CPNE4: variants seen among roughly 807,000 people sequenced by gnomAD.
CPNE4 encodes the protein copine 4.
Under a neutral mutation model 67.9 loss-of-function variants are expected in CPNE4, and 25 were observed. That is an observed-to-expected ratio of 0.37 (90% CI 0.27 to 0.51). CPNE4 has a LOEUF of 0.51. Ranked by LOEUF, CPNE4 falls within the 20% of genes least tolerant of loss-of-function variation. CPNE4 has a pLI of 0.93. For missense variants in CPNE4, 464 were observed against 690.8 expected (o/e 0.67, Z 3.68); for synonymous variants, 242 against 244.9 (o/e 0.99, Z 0.11).
upstream of CPNE4, chr3:132,037,549 T>C: frequency 6.5e-7 from 1 of 1,535,002 alleles, no homozygotes; most frequent in Non-Finnish European, 8.7e-7. Flanking sequence ...CTTGTCTCTA[T>C]CACTCACCTC....
intron 2 of CPNE4, among the ~76,000 whole-genome samples, chr3:131,844,259 CT>C (rs569052106): frequency 0.038 from 5,178 of 136,052 alleles, 197 homozygotes; most frequent in African/African-American, 0.1. Flanking sequence ...TCTGTATGTT[CT>C]TTTTTTTTTT....
chr3:131,729,585 AG>A (rs1194403396), intron 2 of CPNE4, among the ~76,000 whole-genome samples: 1 of 152,234 alleles, frequency 6.6e-6, no homozygotes, highest in Non-Finnish European at 1.5e-5. Flanking sequence ...AGAGAGAGAT[AG>A]GTTGGTGCTG....
At chr3:131,714,544 C>A (rs1288223712) in intron 3 of CPNE4, among the ~76,000 whole-genome samples, 1 of 152,186 alleles carries the variant, frequency 6.6e-6, no homozygotes, top group Non-Finnish European at 1.5e-5. Flanking sequence ...ACCCAAAACA[C>A]TGGTTCCTTT....
chr3:131,959,619 A>C lies in CPNE4; in HGVS notation c.-1-54175T>G, dbSNP rs551714923. Among the ~76,000 whole-genome samples the C allele has an allele frequency of 7.9e-5, 12 of 152,330 alleles. No individual in the cohort carries two copies. The East Asian group carries it at 1.9e-3, about 24-fold the overall frequency. ...GGAAATTGGAAAATCAAAAAATCCA[A>C]TTAAAAAATATATATTTATCTTCCA... On this transcript the variant is annotated intron_variant, in intron 1 of 15. Transcript: ENST00000429747.
intron 2 of CPNE4, among the ~76,000 whole-genome samples, chr3:131,860,819 A>C (rs1316896998): frequency 6.6e-6 from 1 of 152,242 alleles, no homozygotes; most frequent in Non-Finnish European, 1.5e-5. Flanking sequence ...TTTAGTACAC[A>C]GAAGATACTC....
Position 131,745,416 on chromosome 3 carries a change from A to G in CPNE4, c.181-21791T>C, listed in dbSNP as rs577697147. Among the ~76,000 whole-genome samples, 191 of 152,196 alleles carry G rather than the reference A, an allele frequency of 1.3e-3. 2 individuals are homozygous for G. Among genetic ancestry groups the G allele is most frequent in the Admixed American group, 4.6e-3 (71 of 15,278 alleles). ...GGTCTTTTGCAGACCAAAGCTTTAC[A>G]TTTTGAGAAATTTTAATTTATCAAT... On this transcript the variant is annotated intron_variant, in intron 2 of 15. Transcript: ENST00000429747.
chr3:131,651,297 C>T (rs113135438), intron 7 of CPNE4, among the ~76,000 whole-genome samples: 3 of 152,128 alleles, frequency 2.0e-5, no homozygotes, highest in Admixed American at 6.5e-5. Context: ...GAAAAACCCT[C>T]GAGACCTCTT....
intron 2 of CPNE4, among the ~76,000 whole-genome samples, chr3:131,773,730 A>G (rs999811830): frequency 3.3e-5 from 5 of 152,086 alleles, no homozygotes; most frequent in African/African-American, 1.2e-4. Context: ...TAGAATTTTG[A>G]TATCTTTTGT....
At chr3:131,630,089 C>A (rs964691261) in intron 7 of CPNE4, among the ~76,000 whole-genome samples, 1 of 152,154 alleles carries the variant, frequency 6.6e-6, no homozygotes, top group Non-Finnish European at 1.5e-5. Context: ...CAGAAAAAAG[C>A]AGTTTGTAAG....
At chr3:131,972,532 A>G (rs994189667) in intron 1 of CPNE4, among the ~76,000 whole-genome samples, 1 of 152,180 alleles carries the variant, frequency 6.6e-6, no homozygotes, top group African/African-American at 2.4e-5. Flanking sequence ...CCCCCAAGGA[A>G]GCTGCTGCTC....
intron 1 of CPNE4, among the ~76,000 whole-genome samples, chr3:131,962,722 C>T (rs2072219818): frequency 8.0e-6 from 1 of 125,538 alleles, no homozygotes; most frequent in Admixed American, 7.6e-5. Context: ...CTGTGGAACC[C>T]CAGAAACAGT....
intron 3 of CPNE4, among the ~76,000 whole-genome samples, chr3:131,721,483 C>T (rs192307558): frequency 6.6e-6 from 1 of 151,498 alleles, no homozygotes; most frequent in East Asian, 1.9e-4. Context: ...GCAAGCTCCG[C>T]CTTCCGGGTT....
intron 1 of CPNE4, among the ~76,000 whole-genome samples, chr3:132,033,042 C>T (rs2074270141): frequency 6.6e-6 from 1 of 152,156 alleles, no homozygotes; most frequent in African/African-American, 2.4e-5. Context: ...AACACAAAGG[C>T]CTTTGAGAAC....
intron 1 of CPNE4, among the ~76,000 whole-genome samples, chr3:131,962,651 A>G (rs2072216877): frequency 6.6e-6 from 1 of 152,288 alleles, no homozygotes; most frequent in East Asian, 1.9e-4. Flanking sequence ...TTTATAATTG[A>G]ATATTTATCT....
chr3:131,983,014 C>T (rs1320006215), intron 1 of CPNE4, among the ~76,000 whole-genome samples: 2 of 151,998 alleles, frequency 1.3e-5, no homozygotes, highest in Non-Finnish European at 2.9e-5. Flanking sequence ...ATTACTTCAT[C>T]ATTTTTATTT....
intron 2 of CPNE4, among the ~76,000 whole-genome samples, chr3:131,782,525 T>C (rs1196255724): frequency 6.6e-6 from 1 of 151,920 alleles, no homozygotes; most frequent in Admixed American, 6.6e-5. Flanking sequence ...GTAAAGTACA[T>C]TGCTCCTAGT....
At chr3:131,860,155 T>G (rs1015121913) in intron 2 of CPNE4, among the ~76,000 whole-genome samples, 1 of 152,230 alleles carries the variant, frequency 6.6e-6, no homozygotes, top group East Asian at 1.9e-4. Context: ...TGTAAAGTTA[T>G]GTTGGTGCAT....
intron 1 of CPNE4, among the ~76,000 whole-genome samples, chr3:132,020,040 C>A (rs556658127): frequency 1.3e-5 from 2 of 152,172 alleles, no homozygotes; most frequent in Non-Finnish European, 2.9e-5. Context: ...AGAGTCAGAA[C>A]GCGGCACAAA....
intron 6 of CPNE4, among the ~76,000 whole-genome samples, chr3:131,676,303 C>T (rs564816747): frequency 1.3e-5 from 2 of 152,102 alleles, no homozygotes; most frequent in East Asian, 3.9e-4. Flanking sequence ...AAGTGATCTG[C>T]CTGCTTTGGC....
Sources: gnomAD v4.1 joint callset for allele counts (sites outside exome capture counted in the v4.1 genomes callset) on GRCh38, gnomAD v4.1.1 for gene constraint, MANE v1.5 for transcripts, NCBI Gene and HGNC (gene_info 2026-07-23, HGNC 2026-07-21) for gene names.